TRAF3IP3: variants seen among roughly 807,000 people sequenced by gnomAD.
TRAF3IP3 encodes TRAF3-interacting JNK-activating modulator.
Under a neutral mutation model 86.5 loss-of-function variants are expected in TRAF3IP3, and 64 were observed. The ratio of observed to expected loss-of-function variants is 0.74; its 90% CI spans 0.60 to 0.91. TRAF3IP3 has a LOEUF of 0.91. Among genes scored for constraint, TRAF3IP3 ranks in the 40% least tolerant of loss-of-function variants. The pLI is 0.00. For synonymous variants in TRAF3IP3, 220 were observed against 243.9 expected (o/e 0.90, Z 0.91); for missense variants, 579 against 642.9 (o/e 0.90, Z 1.07).
In TRAF3IP3 at chr1:209,781,378, A is replaced by G; in HGVS notation, c.1483A>G (p.Ser495Gly). 6.2e-7 allele frequency: 1 copy of G among 1,613,448 alleles called. No individual in the cohort carries two copies. Reference sequence around the variant, plus strand: ...ACTGCATTCAGAATTAGACAACCTCAGTGACGAGTATCTCTCCTGCCTGCG... The same window carrying G: ...ACTGCATTCAGAATTAGACAACCTCGGTGACGAGTATCTCTCCTGCCTGCG... ...RELHSELDNL[S>G]DEYLSCLRKL... Residue 495 changes from serine to glycine, a missense_variant, in exon 16 of 17, where the codon AGT becomes GGT. Coordinates refer to ENST00000367025, the MANE Select transcript of TRAF3IP3 (RefSeq NM_025228.4).
chr1:209,779,216 G>T, intron 13 of TRAF3IP3, 99 bp from the exon 14 acceptor site: 1 of 921,630 alleles, frequency 1.1e-6, no homozygotes. Flanking sequence ...CAGCAGATGG[G>T]AACATATTTA....
At position 209,762,514 on chromosome 1, in the gene TRAF3IP3, G is replaced by A. The variant is rs1348095841; in HGVS notation, c.346-1G>A. 4 of 1,446,874 alleles carry A rather than the reference G, an allele frequency of 2.8e-6. No individual in the cohort carries two copies. The highest frequency in any genetic ancestry group is 2.9e-5 in the African/African-American group (2 of 68,314). The allele number at this position is 1,446,874 out of a possible 1,614,324, so 89.6% of individuals were successfully genotyped here. On this transcript the variant is annotated splice_acceptor_variant, in intron 3 of 16. Transcript: ENST00000367025. LOFTEE classifies it high-confidence loss of function. ...TTCAGCATTCCCCACTTGCCTTCCA[G>A]GTGACAGGCACCAGCTCTGAAGTCT...
intron 3 of TRAF3IP3, among the ~76,000 whole-genome samples, chr1:209,761,815 G>T (rs2077249955): frequency 6.6e-6 from 1 of 152,192 alleles, no homozygotes; most frequent in African/African-American, 2.4e-5. Flanking sequence ...ACTCAGACCA[G>T]TTCTCTTTCC....
At chr1:209,771,380 CAGGTGGAAGTGT>C in intron 8 of TRAF3IP3, among the ~76,000 whole-genome samples, 2 of 80,362 alleles carry the variant, frequency 2.5e-5, no homozygotes, top group Admixed American at 1.3e-4. Flanking sequence ...GGTGTGTGTG[CAGGTGGAAGTGT>C]GCATGTGCAT....
chr1:209,762,766 C>G, intron 4 of TRAF3IP3, 47 bp from the exon 5 acceptor site: 1 of 1,612,616 alleles, frequency 6.2e-7, no homozygotes, highest in Non-Finnish European at 8.5e-7. Context: ...CCACTTCCCT[C>G]ACTTCCTCCC....
At chr1:209,758,359 AT>A (rs1181284359) in intron 1 of TRAF3IP3, 1 of 152,224 alleles carries the variant, frequency 6.6e-6, no homozygotes, top group Admixed American at 6.5e-5. Flanking sequence ...ACACCAGAGT[AT>A]GCCCCTCCAA....
At chr1:209,765,799 T>C (rs151129833) in intron 8 of TRAF3IP3, among the ~76,000 whole-genome samples, 3 of 152,388 alleles carry the variant, frequency 2.0e-5, no homozygotes, top group Admixed American at 6.5e-5. Context: ...AATTTGCTTC[T>C]GTATTCAATC....
intron 9 of TRAF3IP3, 186 bp from the exon 10 acceptor site, chr1:209,775,163 C>A: frequency 3.2e-6 from 2 of 618,796 alleles, no homozygotes; most frequent in South Asian, 2.0e-5. Context: ...TTTATTATGC[C>A]CTCCACTCAT....
intron 8 of TRAF3IP3, chr1:209,768,379 C>A: frequency 1.0e-6 from 1 of 985,442 alleles, no homozygotes; most frequent in Non-Finnish European, 1.2e-6. Flanking sequence ...ACCTTCAGGG[C>A]AGAAACAGCT....
At chr1:209,777,330 T>C (rs773148498) in intron 11 of TRAF3IP3, 22 bp from the exon 12 acceptor site, 12 of 1,609,278 alleles carry the variant, frequency 7.5e-6, no homozygotes, top group East Asian at 2.2e-5. Context: ...CCTTCTATAT[T>C]GGCCCTTCCT....
At position 209,780,508 on chromosome 1, in the gene TRAF3IP3, A is replaced by G. The variant is rs1008434557; in HGVS notation, c.1351A>G (p.Asn451Asp). Residue 451 changes from asparagine to aspartate, a missense_variant, in exon 15 of 17, where the codon AAC becomes GAC. Physicochemically the swap from Asn to Asp is conservative, Grantham distance 23 (BLOSUM62 1). Transcript: ENST00000367025. ...LPVWSPKSFP[N>D]EVEPEGTGKE... The stretch of plus-strand genomic sequence containing the variant: ...CGTGTGGAGTCCAAAGTCCTTCCCT[A>G]ACGAAGTGGAGCCTGAGGGTACAGG... The G allele has an allele frequency of 6.2e-7, 1 of 1,601,416 alleles. No individual in the cohort carries two copies. Among genetic ancestry groups the G allele is most frequent in the Non-Finnish European group, 8.5e-7 (1 of 1,173,646 alleles).
At chr1:209,763,235 A>C in intron 6 of TRAF3IP3, 128 bp from the exon 7 acceptor site, 1 of 1,383,400 alleles carries the variant, frequency 7.2e-7, no homozygotes, top group African/African-American at 1.4e-5. Flanking sequence ...CATGGGGACT[A>C]AAGGGACCCT....
At chr1:209,774,675 A>G (rs781198532) in intron 9 of TRAF3IP3, among the ~76,000 whole-genome samples, 2 of 152,234 alleles carry the variant, frequency 1.3e-5, no homozygotes, top group Non-Finnish European at 2.9e-5. Context: ...AGCCATGACA[A>G]GGAGTTTGGA....
intron 9 of TRAF3IP3, among the ~76,000 whole-genome samples, chr1:209,774,142 A>C (rs1033905383): frequency 7.2e-5 from 11 of 152,250 alleles, no homozygotes; most frequent in African/African-American, 2.7e-4. Context: ...CTCCGAAATC[A>C]CAGGGCATAA....
At chr1:209,767,772 T>C (rs2077386003) in intron 8 of TRAF3IP3, among the ~76,000 whole-genome samples, 2 of 152,074 alleles carry the variant, frequency 1.3e-5, no homozygotes, top group South Asian at 2.1e-4. Flanking sequence ...GAGACTCTTG[T>C]AATATCCCAG....
intron 14 of TRAF3IP3, chr1:209,779,964 A>G (rs1349076988): frequency 6.2e-6 from 1 of 162,470 alleles, no homozygotes; most frequent in Non-Finnish European, 1.3e-5. Flanking sequence ...AGCTATAACA[A>G]CAATCCAAAA....
intron 8 of TRAF3IP3, among the ~76,000 whole-genome samples, chr1:209,772,693 T>G (rs1327360169): frequency 6.6e-6 from 1 of 151,416 alleles, no homozygotes; most frequent in African/African-American, 2.5e-5. Flanking sequence ...TATGCTACCC[T>G]GAGCCATTTG....
At chr1:209,761,960 A>G (rs966415113) in intron 3 of TRAF3IP3, among the ~76,000 whole-genome samples, 1 of 152,252 alleles carries the variant, frequency 6.6e-6, no homozygotes, top group Non-Finnish European at 1.5e-5. Context: ...GAGGAGGACC[A>G]TTTCTGCCAG....
At chr1:209,775,810 GA>G in intron 11 of TRAF3IP3, 74 bp downstream of exon 11, 3 of 1,441,606 alleles carry the variant, frequency 2.1e-6, no homozygotes, top group East Asian at 4.6e-5. Flanking sequence ...AGCTGTTCTG[GA>G]TTAGGGACTC....
Sources: gnomAD v4.1 joint callset for allele counts (sites outside exome capture counted in the v4.1 genomes callset) on GRCh38, gnomAD v4.1.1 for gene constraint, MANE v1.5 for transcripts, NCBI Gene and HGNC (gene_info 2026-07-23, HGNC 2026-07-21) for gene names.